Variants in PACRG observed in about 807,000 individuals in gnomAD.
The protein encoded by PACRG is parkin coregulated gene protein.
A neutral mutation model predicts 29.7 loss-of-function variants in PACRG; 29 were observed. The ratio of observed to expected loss-of-function variants is 0.98; its 90% confidence interval spans 0.73 to 1.33. The LOEUF is 1.33. Among genes scored for constraint, PACRG ranks in the 40% most tolerant of loss-of-function variants. The pLI, the probability that PACRG is intolerant of heterozygous loss-of-function variation, is 0.00. For synonymous variants in PACRG, 116 were observed against 118.7 expected (o/e 0.98, Z 0.15); for missense variants, 279 against 316.2 (o/e 0.88, Z 0.89).
chr6:162,960,497 C>T (rs552603413), intron 2 of PACRG, among the ~76,000 whole-genome samples: 20 of 152,228 alleles, frequency 1.3e-4, no homozygotes, highest in Admixed American at 2.0e-4. Context: ...AGCAAATTAA[C>T]GCAGGAACAG....
rs1166581274 is a variant in PACRG at position 163,055,478 on chromosome 6, C to G, written c.292-6672C>G. Among the ~76,000 whole-genome samples, 1 of 151,894 alleles carries G rather than the reference C, an allele frequency of 6.6e-6. No individual in the cohort carries two copies. The highest frequency in any genetic ancestry group is 1.5e-5 in the Non-Finnish European group (1 of 67,978). On this transcript the variant is annotated intron_variant, in intron 2 of 4. Transcript: ENST00000366888. This position sits in a 1 kb window ranked among gnomAD's most constrained non-coding sequence, Gnocchi z 4.0. ...TTACCAAAGCCTAGGCCAAATTCAT[C>G]CACTGAAAACAAAATTATTATAATA...
chr6:163,090,920 T>G (rs1010791096), intron 4 of PACRG, among the ~76,000 whole-genome samples: 2 of 152,224 alleles, frequency 1.3e-5, no homozygotes, highest in African/African-American at 4.8e-5. Flanking sequence ...AAACCTATGA[T>G]GCATGTACTA....
intron 2 of PACRG, among the ~76,000 whole-genome samples, chr6:162,874,655 T>TG (rs1338276920): frequency 6.6e-6 from 1 of 152,096 alleles, no homozygotes; most frequent in African/African-American, 2.4e-5. Context: ...CACATCAGTG[T>TG]GGGGGGAGGC....
At chr6:162,887,933 T>C (rs1794470381) in intron 2 of PACRG, among the ~76,000 whole-genome samples, 2 of 152,270 alleles carry the variant, frequency 1.3e-5, no homozygotes, top group South Asian at 4.1e-4. Context: ...TTATAAACAA[T>C]GAACATTTAT....
chr6:163,072,214 G>A (rs973936962), intron 3 of PACRG, among the ~76,000 whole-genome samples: 2 of 151,760 alleles, frequency 1.3e-5, no homozygotes, highest in African/African-American at 4.8e-5. Flanking sequence ...CTAGCAAACT[G>A]AATTCAACAA....
chr6:162,752,293 A>G (rs1354361950), intron 1 of PACRG, among the ~76,000 whole-genome samples: 1 of 152,188 alleles, frequency 6.6e-6, no homozygotes, highest in Non-Finnish European at 1.5e-5. Flanking sequence ...CCTTTTGTAT[A>G]TGAGAGGCAA....
chr6:162,953,176 T>C (rs992756529), intron 2 of PACRG, among the ~76,000 whole-genome samples: 12 of 152,232 alleles, frequency 7.9e-5, no homozygotes, highest in African/African-American at 2.9e-4. Context: ...TTATAACCTA[T>C]ATTTAATCAA....
At chr6:163,096,136 G>A (rs941414611) in intron 4 of PACRG, among the ~76,000 whole-genome samples, 1 of 152,164 alleles carries the variant, frequency 6.6e-6, no homozygotes, top group African/African-American at 2.4e-5. Flanking sequence ...TTGAGTAGGG[G>A]AGATGCAGGG....
At chr6:163,093,558 C>A (rs1350752717) in intron 4 of PACRG, among the ~76,000 whole-genome samples, 4 of 152,170 alleles carry the variant, frequency 2.6e-5, no homozygotes, top group South Asian at 2.1e-4. Context: ...GCTTTTACAG[C>A]TGGAATATGG....
At chr6:163,110,831 A>G (rs1585227406) in intron 4 of PACRG, among the ~76,000 whole-genome samples, 1 of 152,326 alleles carries the variant, frequency 6.6e-6, no homozygotes, top group African/African-American at 2.4e-5. Context: ...GGTATGGCTG[A>G]TGAGGAGACC....
intron 4 of PACRG, among the ~76,000 whole-genome samples, chr6:163,308,210 T>G (rs1785262869): frequency 6.6e-6 from 1 of 152,244 alleles, no homozygotes; most frequent in Non-Finnish European, 1.5e-5. Context: ...GTTAATGACT[T>G]TTTTTAGCAA....
chr6:163,161,797 T>C (rs1366898356), intron 4 of PACRG, among the ~76,000 whole-genome samples: 1 of 152,200 alleles, frequency 6.6e-6, no homozygotes, highest in African/African-American at 2.4e-5. Flanking sequence ...TCCGTTGCAC[T>C]ACCCAGCACC....
chr6:163,250,308 G>A (rs113848579), intron 4 of PACRG, among the ~76,000 whole-genome samples: 15 of 152,300 alleles, frequency 9.8e-5, no homozygotes, highest in African/African-American at 2.9e-4. Flanking sequence ...TTTCCTTCCC[G>A]CTGATTGCCT....
rs1177671676 is a variant in PACRG at position 162,747,472 on chromosome 6, AAC to A, written c.156+19082_156+19083del. 6.6e-3 allele frequency among the ~76,000 whole-genome samples: 305 copies of A among 46,336 alleles called. 66 individuals are homozygous for A. The highest frequency in any genetic ancestry group is 0.011 in the African/African-American group (98 of 8,544). The allele number at this position is 46,336 out of a possible 152,430, so 30.4% of individuals were successfully genotyped here. The stretch of plus-strand genomic sequence containing the variant: ...TATATAACTATAAATATATATGTAA[AAC>A]TATATATATATATATATATTCCATT... On this transcript the variant is annotated intron_variant, in intron 1 of 4. Transcript: ENST00000366888.
intron 1 of PACRG, among the ~76,000 whole-genome samples, chr6:162,739,674 T>C (rs1260513653): frequency 2.6e-5 from 4 of 151,890 alleles, no homozygotes; most frequent in Non-Finnish European, 5.9e-5. Flanking sequence ...AAACTCCATC[T>C]CTACTAAAAT....
intron 2 of PACRG, among the ~76,000 whole-genome samples, chr6:162,989,152 T>C (rs185044169): frequency 1.1e-4 from 16 of 152,230 alleles, no homozygotes; most frequent in African/African-American, 3.9e-4. Context: ...ATTGTTCTCA[T>C]AGACATAAGC....
At chr6:162,791,596 AAT>A (rs1307901824) in intron 1 of PACRG, among the ~76,000 whole-genome samples, 11 of 152,244 alleles carry the variant, frequency 7.2e-5, no homozygotes, top group African/African-American at 2.6e-4. Flanking sequence ...GTGCTCGGTA[AAT>A]ATGTGTGTAA....
chr6:162,958,135 AAG>A (rs1404110228), intron 2 of PACRG, among the ~76,000 whole-genome samples: 2 of 152,206 alleles, frequency 1.3e-5, no homozygotes, highest in African/African-American at 4.8e-5. Context: ...ACTAAAAACA[AAG>A]AGCCATTAAT....
chr6:163,264,435 A>T (rs893134362), intron 4 of PACRG, among the ~76,000 whole-genome samples: 3 of 152,166 alleles, frequency 2.0e-5, no homozygotes, highest in Non-Finnish European at 1.5e-5. Context: ...GCTGCTGGAG[A>T]CAAAAGTGTG....
Sources: gnomAD v4.1 joint callset for allele counts (sites outside exome capture counted in the v4.1 genomes callset) on GRCh38, gnomAD v4.1.1 for gene constraint, Gnocchi (gnomAD v3.1) non-coding constraint, MANE v1.5 for transcripts, NCBI Gene and HGNC (gene_info 2026-07-23, HGNC 2026-07-21) for gene names.